Variants in CSMD1 observed in about 807,000 individuals in gnomAD.
CSMD1 encodes CUB and sushi domain-containing protein 1.
In CSMD1, 213 loss-of-function variants were observed where a neutral mutation model predicts 417.5. That is an observed-to-expected ratio of 0.51 (90% CI 0.46 to 0.57). The LOEUF (loss-of-function observed/expected upper bound fraction) is 0.57, where lower values mean the gene tolerates loss of function less well. Among genes scored for constraint, CSMD1 ranks in the 20% least tolerant of loss-of-function variants. The probability of loss-of-function intolerance (pLI) is 0.00; values close to 1 mark genes in which losing one functional copy is unlikely to be tolerated. For synonymous variants in CSMD1, 2,862 were observed against 1,736.8 expected, an observed-to-expected ratio of 1.65 and a Z score of -16.11; for missense variants, 6,923 against 4,529.7, an observed-to-expected ratio of 1.53 and a Z score of -15.17.
chr8:4,694,522 A>AT (rs937348335), intron 1 of CSMD1, among the ~76,000 whole-genome samples: 40 of 151,068 alleles, frequency 2.6e-4, no homozygotes, highest in African/African-American at 8.5e-4. Context: ...TGCCAGGCTA[A>AT]TTTTTTTTGG....
intron 26 of CSMD1, among the ~76,000 whole-genome samples, chr8:3,271,536 G>T (rs188675612): frequency 1.3e-5 from 2 of 148,272 alleles, no homozygotes; most frequent in Non-Finnish European, 1.5e-5. Context: ...CTAGTTTATA[G>T]TCCCAGCAAC....
intron 1 of CSMD1, among the ~76,000 whole-genome samples, chr8:4,930,823 T>C (rs1003839436): frequency 9.2e-5 from 14 of 152,356 alleles, no homozygotes; most frequent in African/African-American, 3.1e-4. Flanking sequence ...ATTTGATGTG[T>C]GACCATTGTA....
At chr8:4,785,262 T>C (rs1797344157) in intron 1 of CSMD1, among the ~76,000 whole-genome samples, 1 of 152,146 alleles carries the variant, frequency 6.6e-6, no homozygotes, top group Non-Finnish European at 1.5e-5. Context: ...AGGTGAACAT[T>C]GGCAAAGGTG....
intron 1 of CSMD1, among the ~76,000 whole-genome samples, chr8:4,717,854 G>T (rs374464659): frequency 1.2e-4 from 18 of 152,194 alleles, no homozygotes; most frequent in African/African-American, 3.9e-4. Context: ...TTAAGTCCAA[G>T]AATATTTAAT....
intron 59 of CSMD1, among the ~76,000 whole-genome samples, chr8:2,964,821 A>AGG (rs1380597807): frequency 1.3e-5 from 2 of 151,950 alleles, no homozygotes; most frequent in Non-Finnish European, 2.9e-5. Context: ...CAGAAGAGAG[A>AGG]GAAAGCCATA....
intron 3 of CSMD1, among the ~76,000 whole-genome samples, chr8:4,312,515 AAT>A (rs71909409): frequency 0.026 from 3,814 of 144,948 alleles, 94 homozygotes; most frequent in Non-Finnish European, 0.037. Flanking sequence ...TTTTATTATC[AAT>A]GTTACTTATT....
intron 2 of CSMD1, among the ~76,000 whole-genome samples, chr8:4,575,532 G>A (rs777151516): frequency 1.3e-5 from 2 of 152,142 alleles, no homozygotes; most frequent in Non-Finnish European, 2.9e-5. Context: ...GTGCAGAAGG[G>A]AGAGCACCTC....
chr8:4,961,478 C>G (rs557271887), intron 1 of CSMD1, among the ~76,000 whole-genome samples: 222 of 152,206 alleles, frequency 1.5e-3, no homozygotes, highest in African/African-American at 5.2e-3. Context: ...AACATATTCT[C>G]CAATGACATT....
chr8:3,213,890 C>T (rs1426296714), intron 30 of CSMD1, among the ~76,000 whole-genome samples: 1 of 151,160 alleles, frequency 6.6e-6, no homozygotes, highest in African/African-American at 2.4e-5. Context: ...TGGAGTCTTG[C>T]TCTGTCACCC....
intron 1 of CSMD1, among the ~76,000 whole-genome samples, chr8:4,896,283 G>A (rs1437939036): frequency 6.6e-6 from 1 of 151,954 alleles, no homozygotes; most frequent in Non-Finnish European, 1.5e-5. Context: ...CTAGCATATC[G>A]CTAATTATGG....
At chr8:4,642,492 A>G (rs1803259188) in intron 1 of CSMD1, among the ~76,000 whole-genome samples, 1 of 152,168 alleles carries the variant, frequency 6.6e-6, no homozygotes, top group Non-Finnish European at 1.5e-5. Context: ...GAGATGATTC[A>G]TCTGTGATCC....
At chr8:4,459,881 C>G (rs565709140) in intron 2 of CSMD1, among the ~76,000 whole-genome samples, 6 of 152,242 alleles carry the variant, frequency 3.9e-5, no homozygotes, top group Admixed American at 3.9e-4. Context: ...ATATATAAAA[C>G]AGAACCTGAC....
chr8:3,292,586 C>G (rs1041422715), intron 25 of CSMD1, among the ~76,000 whole-genome samples: 4 of 152,104 alleles, frequency 2.6e-5, no homozygotes, highest in African/African-American at 9.7e-5. Flanking sequence ...ATGTAATGGC[C>G]TTCTTTGTCT....
intron 1 of CSMD1, among the ~76,000 whole-genome samples, chr8:4,806,375 C>T (rs567614916): frequency 6.6e-6 from 1 of 152,290 alleles, no homozygotes; most frequent in Non-Finnish European, 1.5e-5. Flanking sequence ...ACTCGTGTCT[C>T]ACCTCCAGCC....
In CSMD1 at chr8:4,145,751, C is replaced by T. The variant is rs377498888; in HGVS notation, c.416-113652G>A. Among the ~76,000 whole-genome samples, 9 of 151,050 alleles carry T rather than the reference C, an allele frequency of 6.0e-5. 1 individual carries two copies. Among genetic ancestry groups the T allele is most frequent in the African/African-American group, 2.2e-4 (9 of 40,396 alleles). Reference sequence around the variant, plus strand: ...TTGTCCCAAGGAACCAAAGTCAACACTGATTCCCTGCAGGTTCTGCGTCAG... The same window carrying T: ...TTGTCCCAAGGAACCAAAGTCAACATTGATTCCCTGCAGGTTCTGCGTCAG... On this transcript the variant is annotated intron_variant, in intron 3 of 69. Coordinates refer to ENST00000635120, the MANE Select transcript of CSMD1 (RefSeq NM_033225.6).
At position 4,721,544 on chromosome 8, in the gene CSMD1, C is replaced by G. The variant is rs546407084; in HGVS notation, c.86-83986G>C. Among the ~76,000 whole-genome samples the G allele has an allele frequency of 2.0e-5, 3 of 152,124 alleles. No individual in the cohort carries two copies. In the East Asian group the frequency reaches 5.8e-4, roughly 29 times the overall value. ...TCACATCTGTTAGTATGGCTATTAT[C>G]AAAACAATGAAAGATAAATGTTGAC... On this transcript the variant is annotated intron_variant, in intron 1 of 69. Coordinates refer to ENST00000635120, the MANE Select transcript of CSMD1 (RefSeq NM_033225.6).
At chr8:3,954,416 G>A (rs1050431216) in intron 5 of CSMD1, among the ~76,000 whole-genome samples, 34 of 152,274 alleles carry the variant, frequency 2.2e-4, no homozygotes, top group African/African-American at 7.5e-4. Context: ...AGGCTGGAGT[G>A]CAGTGGCGGT....
chr8:4,743,303 G>C (rs911214788), intron 1 of CSMD1, among the ~76,000 whole-genome samples: 2 of 152,106 alleles, frequency 1.3e-5, no homozygotes, highest in African/African-American at 2.4e-5. Context: ...CCTCAGGTCA[G>C]TATATTTCCA....
chr8:4,799,079 G>A (rs568492018), intron 1 of CSMD1, among the ~76,000 whole-genome samples: 114 of 152,302 alleles, frequency 7.5e-4, no homozygotes, highest in Non-Finnish European at 7.9e-4. Context: ...TGCATTGGCC[G>A]ACCCTGCGCA....
Sources: gnomAD v4.1 joint callset for allele counts (sites outside exome capture counted in the v4.1 genomes callset) on GRCh38, gnomAD v4.1.1 for gene constraint, MANE v1.5 for transcripts, NCBI Gene and HGNC (gene_info 2026-07-23, HGNC 2026-07-21) for gene names.